Variants in ZNF385D observed in about 807,000 individuals in gnomAD.
ZNF385D encodes the protein zinc finger protein 385D, also known as zinc finger protein 659.
A neutral mutation model predicts 35.8 loss-of-function variants in ZNF385D; 15 were observed. That is an observed-to-expected ratio of 0.42 (90% CI 0.28 to 0.64). The LOEUF is 0.64. ZNF385D is among the 30% of genes least tolerant of loss of function. ZNF385D has a pLI of 0.23. For synonymous variants in ZNF385D, 212 were observed against 186.8 expected (o/e 1.13, Z -1.10); for missense variants, 474 against 494.6 (o/e 0.96, Z 0.39).
chr3:22,143,629 A>G (rs1409311727), intron 3 of ZNF385D, among the ~76,000 whole-genome samples: 1 of 152,160 alleles, frequency 6.6e-6, no homozygotes, highest in East Asian at 1.9e-4. Context: ...TCCTATATTG[A>G]TGGCCTTTTA....
chr3:21,793,600 G>A lies in ZNF385D; in HGVS notation c.326-128572C>T, dbSNP rs2072019653. The stretch of plus-strand genomic sequence containing the variant: ...ACCACTTCCTAAGGCTGATCTTCAG[G>A]TAAAAAAACTGAGGCCTGCAGAGCC... On this transcript the variant is annotated intron_variant, in intron 3 of 5. Coordinates refer to the ZNF385D transcript ENST00000494108. Among the ~76,000 whole-genome samples, 4 of 152,240 alleles carry A rather than the reference G, an allele frequency of 2.6e-5. No homozygotes were observed. The South Asian group carries it at 8.3e-4, about 32-fold the overall frequency.
chr3:21,879,878 T>C (rs575145792), intron 3 of ZNF385D, among the ~76,000 whole-genome samples: 2 of 152,124 alleles, frequency 1.3e-5, no homozygotes, highest in South Asian at 2.1e-4. Flanking sequence ...TTTTTAATGG[T>C]TTCATCTTTC....
intron 1 of ZNF385D, among the ~76,000 whole-genome samples, chr3:21,736,710 A>C (rs983670038): frequency 1.3e-5 from 2 of 152,216 alleles, no homozygotes. Context: ...GAAATAGAGA[A>C]GTAGACTGGG....
At chr3:22,171,040 G>C (rs1302771827) in intron 2 of ZNF385D, among the ~76,000 whole-genome samples, 1 of 152,118 alleles carries the variant, frequency 6.6e-6, no homozygotes, top group African/African-American at 2.4e-5. Flanking sequence ...ATTCTGAGTG[G>C]CAAGATTAGA....
At chr3:21,770,245 A>G (rs1193003517) in intron 3 of ZNF385D, among the ~76,000 whole-genome samples, 1 of 152,160 alleles carries the variant, frequency 6.6e-6, no homozygotes, top group East Asian at 1.9e-4. Flanking sequence ...AATGGGATCT[A>G]ATTAAACTAA....
rs1054361035 is a variant in ZNF385D, at chr3:21,417,789, T to C, written c.*3425A>G. 1 of 152,158 alleles carries C rather than the reference T, an allele frequency of 6.6e-6. No individual in the cohort carries two copies. Among genetic ancestry groups the C allele is most frequent in the African/African-American group, 2.4e-5 (1 of 41,458 alleles). 9.4% of individuals were successfully genotyped at this position (152,158 alleles called of 1,614,324 possible). A position where few individuals can be genotyped will look rare whatever the true frequency, so the allele number is the denominator to read the frequency against. ...AAATACTCCTTTGCTAACTAGTTTC[T>C]TGGCAACAAAATATGTAGCACCTTT... On this transcript the variant is annotated 3_prime_UTR_variant, in exon 8 of 8. Coordinates refer to ENST00000281523, the MANE Select transcript of ZNF385D (RefSeq NM_024697.3).
At chr3:22,342,155 TAGACCCAGCTACTCGGG>T (rs1159887594) in intron 2 of ZNF385D, among the ~76,000 whole-genome samples, 3 of 151,400 alleles carry the variant, frequency 2.0e-5, no homozygotes, top group Non-Finnish European at 4.4e-5. Context: ...CGGGAGCCTG[TAGACCCAGCTACTCGGG>T]AGACTGAGGC....
intron 3 of ZNF385D, among the ~76,000 whole-genome samples, chr3:21,760,136 T>C (rs2070535848): frequency 1.3e-5 from 2 of 152,196 alleles, no homozygotes; most frequent in South Asian, 4.1e-4. Flanking sequence ...TGCTCAAACA[T>C]ACTAATAATC....
chr3:22,339,730 C>A (rs1293123197), intron 2 of ZNF385D, among the ~76,000 whole-genome samples: 1 of 152,182 alleles, frequency 6.6e-6, no homozygotes, highest in African/African-American at 2.4e-5. Flanking sequence ...CCTTAGAAAT[C>A]AGTACACTGG....
At position 21,504,366 on chromosome 3, in the gene ZNF385D, T is replaced by C. The variant is rs534817850; in HGVS notation, c.439+6495A>G. ...AGCAATATCACAGAATCCCCTGTTT[T>C]AATGAGAACCGCTGTTCTTTCGTGA... On this transcript the variant is annotated intron_variant, in intron 4 of 7. Transcript: ENST00000281523. 4.6e-5 allele frequency among the ~76,000 whole-genome samples: 7 copies of C among 152,282 alleles called. No individual in the cohort carries two copies. In the South Asian group the frequency reaches 1.4e-3, roughly 32 times the overall value.
At chr3:22,256,605 C>T (rs147132097) in intron 2 of ZNF385D, among the ~76,000 whole-genome samples, 135 of 151,940 alleles carry the variant, frequency 8.9e-4, no homozygotes, top group East Asian at 3.3e-3. Flanking sequence ...GATAAATCAT[C>T]GTATCTGTCA....
intron 3 of ZNF385D, among the ~76,000 whole-genome samples, chr3:21,842,767 T>A (rs987318176): frequency 5.9e-5 from 9 of 152,098 alleles, no homozygotes; most frequent in Non-Finnish European, 1.3e-4. Flanking sequence ...CTTTGGTTAA[T>A]TCTACCTTTG....
chr3:21,526,875 A>G (rs1708260484), intron 3 of ZNF385D, among the ~76,000 whole-genome samples: 1 of 152,222 alleles, frequency 6.6e-6, no homozygotes, highest in African/African-American at 2.4e-5. Context: ...TTAACTGAGC[A>G]CTATTATCTT....
At chr3:21,636,008 T>G (rs1236519078) in intron 2 of ZNF385D, among the ~76,000 whole-genome samples, 1 of 152,122 alleles carries the variant, frequency 6.6e-6, no homozygotes, top group Non-Finnish European at 1.5e-5. Context: ...CAAATTGTGC[T>G]GCTGTAAACA....
intron 3 of ZNF385D, among the ~76,000 whole-genome samples, chr3:21,893,463 A>G (rs1006325204): frequency 6.6e-6 from 1 of 152,164 alleles, no homozygotes; most frequent in Non-Finnish European, 1.5e-5. Flanking sequence ...AGCACATGAG[A>G]TATGCAAAGA....
At chr3:22,008,473 C>T (rs1450991354) in intron 3 of ZNF385D, among the ~76,000 whole-genome samples, 3 of 151,476 alleles carry the variant, frequency 2.0e-5, no homozygotes, top group Non-Finnish European at 4.4e-5. Flanking sequence ...CCTGCCTCAG[C>T]CTCCCGAGTA....
intron 2 of ZNF385D, among the ~76,000 whole-genome samples, chr3:22,252,109 A>G (rs1003575742): frequency 2.6e-5 from 4 of 152,072 alleles, no homozygotes; most frequent in Non-Finnish European, 4.4e-5. Context: ...TTCCATAACT[A>G]AAGACTTTTG....
At chr3:21,720,964 C>A (rs1481360470) in intron 1 of ZNF385D, among the ~76,000 whole-genome samples, 1 of 152,148 alleles carries the variant, frequency 6.6e-6, no homozygotes, top group Non-Finnish European at 1.5e-5. Flanking sequence ...GGGAGATAAA[C>A]AGTATATGCC....
At chr3:21,982,898 G>C (rs1694564329) in intron 3 of ZNF385D, among the ~76,000 whole-genome samples, 1 of 151,578 alleles carries the variant, frequency 6.6e-6, no homozygotes. Flanking sequence ...CACATTTATT[G>C]ATTTGTGTAT....
Sources: allele counts gnomAD v4.1 joint callset (sites outside exome capture counted in the v4.1 genomes callset), GRCh38; gene constraint gnomAD v4.1.1; transcripts MANE v1.5; gene names NCBI Gene and HGNC (gene_info 2026-07-23, HGNC 2026-07-21).